LRP12: variants seen among roughly 807,000 people sequenced by gnomAD.
LRP12 encodes low-density lipoprotein receptor-related protein 12.
A neutral mutation model predicts 66.0 loss-of-function variants in LRP12; 14 were observed. That is an observed-to-expected ratio of 0.21 (90% CI 0.14 to 0.33). The LOEUF (loss-of-function observed/expected upper bound fraction) is 0.33. Ranked by LOEUF, LRP12 falls within the 10% of genes least tolerant of loss-of-function variation. LRP12 has a pLI of 1.00. For missense variants in LRP12, 889 were observed against 1,053.4 expected, an observed-to-expected ratio of 0.84 and a Z score of 2.16; for synonymous variants, 357 against 359.1, an observed-to-expected ratio of 0.99 and a Z score of 0.07.
Position 104,522,019 on chromosome 8 carries a change from T to C in LRP12, c.136+9888A>G, listed in dbSNP as rs369460420. Among the ~76,000 whole-genome samples, 5 of 152,152 alleles carry C rather than the reference T, an allele frequency of 3.3e-5. No individual in the cohort carries two copies. The East Asian group carries it at 7.7e-4, about 23-fold the overall frequency. Reference sequence around the variant, plus strand: ...AGAGATAATTACAATTTAAGCTTTATTTCCTTTCAGATTCTTTATTTGGAA... The same window carrying C: ...AGAGATAATTACAATTTAAGCTTTACTTCCTTTCAGATTCTTTATTTGGAA... On this transcript the variant is annotated intron_variant, in intron 2 of 6. Transcript: ENST00000276654.
At chr8:104,499,968 T>C (rs1385113513) in intron 3 of LRP12, among the ~76,000 whole-genome samples, 1 of 152,216 alleles carries the variant, frequency 6.6e-6, no homozygotes, top group African/African-American at 2.4e-5. Context: ...GCAGCTGACA[T>C]TCTTAGGAGA....
intron 1 of LRP12, among the ~76,000 whole-genome samples, chr8:104,532,335 T>TCCAC (rs1273758136): frequency 6.7e-6 from 1 of 150,336 alleles, no homozygotes. Context: ...CAGCCACAAG[T>TCCAC]CGGTGTAATA....
At chr8:104,494,556 T>C (rs779762309) in intron 6 of LRP12, among the ~76,000 whole-genome samples, 17 of 152,106 alleles carry the variant, frequency 1.1e-4, no homozygotes, top group Non-Finnish European at 2.4e-4. Flanking sequence ...ACGAGAAAAA[T>C]TTTTTTAATT....
At chr8:104,513,747 C>T (rs1432375042) in intron 2 of LRP12, among the ~76,000 whole-genome samples, 1 of 152,150 alleles carries the variant, frequency 6.6e-6, no homozygotes, top group East Asian at 1.9e-4. Context: ...CTTGGCCAGC[C>T]AGCCAGCCAG....
At chr8:104,547,747 CATATATA>C (rs1247883286) in intron 1 of LRP12, among the ~76,000 whole-genome samples, 5 of 117,694 alleles carry the variant, frequency 4.2e-5, no homozygotes, top group East Asian at 2.3e-4. Flanking sequence ...AATATATAAT[CATATATA>C]ATATATAATT....
At chr8:104,588,196 G>A (rs1360108815) in intron 1 of LRP12, among the ~76,000 whole-genome samples, 1 of 152,194 alleles carries the variant, frequency 6.6e-6, no homozygotes, top group Non-Finnish European at 1.5e-5. Flanking sequence ...AGACTGAGGT[G>A]GGGCTGGAAA....
At chr8:104,554,743 G>T (rs551493374) in intron 1 of LRP12, among the ~76,000 whole-genome samples, 2 of 152,228 alleles carry the variant, frequency 1.3e-5, no homozygotes, top group South Asian at 4.2e-4. Flanking sequence ...CTTTGCTAGA[G>T]ATCTAGACGT....
intron 1 of LRP12, among the ~76,000 whole-genome samples, chr8:104,575,137 G>C (rs1812145491): frequency 6.6e-6 from 1 of 152,190 alleles, no homozygotes; most frequent in Non-Finnish European, 1.5e-5. Flanking sequence ...GAGGCAGAAA[G>C]ATAAAAACTA....
chr8:104,497,816 G>A lies in LRP12; in HGVS notation c.736C>T (p.Leu246Phe), dbSNP rs763346001. 4 of 1,614,174 alleles carry A rather than the reference G, an allele frequency of 2.5e-6. No individual in the cohort carries two copies. The highest frequency in any genetic ancestry group is 2.2e-5 in the South Asian group (2 of 91,088). Reference sequence around the variant, plus strand: ...CAGTCTATCTCATCTCCTAGGTCAAGGCAGTCAATGTTCCCATCACATTTT... The same window carrying A: ...CAGTCTATCTCATCTCCTAGGTCAAAGCAGTCAATGTTCCCATCACATTTT... ...SLKCDGNIDC[L>F]DLGDEIDCDV... The change falls in exon 5 of 7, where the codon CTT (leucine) becomes TTT (phenylalanine). Residue 246 changes from leucine (L) to phenylalanine (F), a missense_variant. Around this residue, in one of 3 missense-constraint regions of LRP12, gnomAD observed 800 missense variants for 964.5 expected, o/e 0.83. Coordinates refer to ENST00000276654, the MANE Select transcript of LRP12 (RefSeq NM_013437.5). This position sits in a 1 kb window ranked among gnomAD's most constrained non-coding sequence, Gnocchi z 4.3.
chr8:104,562,904 C>G (rs1189386168), intron 1 of LRP12, among the ~76,000 whole-genome samples: 1 of 152,110 alleles, frequency 6.6e-6, no homozygotes, highest in Non-Finnish European at 1.5e-5. Flanking sequence ...AATTAATGAT[C>G]TGGCATGTCT....
At chr8:104,511,652 C>T (rs1041549987) in intron 2 of LRP12, among the ~76,000 whole-genome samples, 14 of 152,088 alleles carry the variant, frequency 9.2e-5, no homozygotes, top group African/African-American at 3.4e-4. Context: ...AGCTATATTA[C>T]TTAAAGTCAA....
At chr8:104,548,600 A>AATTATATAATTAATTTAATTATATAATT (rs1811672999) in intron 1 of LRP12, among the ~76,000 whole-genome samples, 22 of 112,842 alleles carry the variant, frequency 1.9e-4, no homozygotes, top group South Asian at 1.1e-3. Context: ...TATAATATAG[A>AATTATATAATTAATTTAATTATATAATT]ATTATATAAT....
intron 1 of LRP12, among the ~76,000 whole-genome samples, chr8:104,564,547 G>A (rs1434257581): frequency 6.6e-6 from 1 of 151,988 alleles, no homozygotes; most frequent in Non-Finnish European, 1.5e-5. Context: ...TAGGGGACAG[G>A]GCAGGGAGGG....
rs2140876122 is a variant in LRP12, at chr8:104,547,719, AT to A, written c.80-15757del. Among the ~76,000 whole-genome samples the A allele has an allele frequency of 2.4e-5, 3 of 125,382 alleles. No individual in the cohort carries two copies. In the East Asian group the frequency reaches 6.6e-4, roughly 28 times the overall value. The allele number at this position is 125,382 out of a possible 152,430, so 82.3% of individuals were successfully genotyped here. ...CATATATTATATATAATTCTATATT[AT>A]GTTATATTTTGTATATAATATATAA... On this transcript the variant is annotated intron_variant, in intron 1 of 6. Transcript: ENST00000276654.
intron 1 of LRP12, among the ~76,000 whole-genome samples, chr8:104,559,110 T>C (rs1262465562): frequency 6.6e-6 from 1 of 152,170 alleles, no homozygotes. Flanking sequence ...CTACTAGGTA[T>C]CTACCCAGAG....
chr8:104,496,892 A>C (rs1810737102), intron 5 of LRP12, 80 bp downstream of exon 5: 5 of 1,329,882 alleles, frequency 3.8e-6, no homozygotes, highest in Non-Finnish European at 5.0e-6. Context: ...ACAAAAATAC[A>C]TTGCTAATCA....
chr8:104,587,751 C>G (rs1412985359), intron 1 of LRP12, among the ~76,000 whole-genome samples: 1 of 152,176 alleles, frequency 6.6e-6, no homozygotes, highest in Non-Finnish European at 1.5e-5. Flanking sequence ...CACCATTATA[C>G]TAGTCAAATC....
At chr8:104,505,143 G>C (rs935929788) in intron 3 of LRP12, 1 of 152,184 alleles carries the variant, frequency 6.6e-6, no homozygotes, top group African/African-American at 2.4e-5. Flanking sequence ...TCAGCCTCCT[G>C]AGTAGCTGGG....
chr8:104,553,108 T>C (rs1365638546), intron 1 of LRP12, among the ~76,000 whole-genome samples: 1 of 152,132 alleles, frequency 6.6e-6, no homozygotes, highest in Admixed American at 6.5e-5. Context: ...TTTCTGACTT[T>C]GTCTTCCAGG....
Sources: allele counts gnomAD v4.1 joint callset (sites outside exome capture counted in the v4.1 genomes callset), GRCh38; gene constraint gnomAD v4.1.1; regional missense constraint gnomAD v4.1.1; non-coding constraint Gnocchi (gnomAD v3.1); transcripts MANE v1.5; gene names NCBI Gene and HGNC (gene_info 2026-07-23, HGNC 2026-07-21).